The following GLIS3 variants were observed in gnomAD, a reference collection of about 807,000 sequenced individuals.
The protein encoded by GLIS3 is zinc finger protein GLIS3.
A neutral mutation model predicts 78.6 loss-of-function variants in GLIS3; 53 were observed. The ratio of observed to expected loss-of-function variants is 0.67; its 90% CI spans 0.54 to 0.85. The LOEUF is 0.85. GLIS3 is among the 40% of genes least tolerant of loss of function. GLIS3 has a pLI of 0.00. For missense variants in GLIS3, 1,703 were observed against 1,231.1 expected (o/e 1.38, Z -5.74); for synonymous variants, 684 against 509.9 (o/e 1.34, Z -4.60).
the GLIS3 span, among the ~76,000 whole-genome samples, chr9:4,465,096 C>G: frequency 1.3e-5 from 2 of 152,230 alleles, no homozygotes; most frequent in African/African-American, 4.8e-5. Context: ...TTACCAGAAT[C>G]AACATTTCCC....
chr9:4,033,268 C>T (rs1345873460), intron 4 of GLIS3, among the ~76,000 whole-genome samples: 2 of 152,146 alleles, frequency 1.3e-5, no homozygotes, highest in Non-Finnish European at 2.9e-5. Flanking sequence ...TATCTTATAG[C>T]ATAAAGGGTA....
chr9:4,397,854 T>A, the GLIS3 span, among the ~76,000 whole-genome samples: 44,548 of 151,512 alleles, frequency 0.29, 7,037 homozygotes, highest in East Asian at 0.38. Flanking sequence ...ATTCCTTGGA[T>A]GGGATGAAGA....
intron 2 of GLIS3, among the ~76,000 whole-genome samples, chr9:4,247,986 A>T: frequency 6.6e-6 from 1 of 151,800 alleles, no homozygotes; most frequent in East Asian, 1.9e-4. Flanking sequence ...GATCTCAACT[A>T]CTCTTGTGTA....
At chr9:4,099,622 C>G (rs1830218087) in intron 4 of GLIS3, among the ~76,000 whole-genome samples, 1 of 152,162 alleles carries the variant, frequency 6.6e-6, no homozygotes, top group African/African-American at 2.4e-5. Context: ...TTCAACATAC[C>G]TCTTTTAGGG....
At chr9:4,225,807 A>G (rs1821721268) in intron 2 of GLIS3, among the ~76,000 whole-genome samples, 1 of 152,184 alleles carries the variant, frequency 6.6e-6, no homozygotes, top group Non-Finnish European at 1.5e-5. Flanking sequence ...TCATCCTACG[A>G]GTCATGAATT....
the GLIS3 span, among the ~76,000 whole-genome samples, chr9:4,386,995 C>A: frequency 6.6e-6 from 1 of 152,120 alleles, no homozygotes; most frequent in Admixed American, 6.5e-5. Flanking sequence ...CAGGGTAGCT[C>A]CTTAAATGGC....
At chr9:4,421,780 C>T in the GLIS3 span, among the ~76,000 whole-genome samples, 1 of 152,178 alleles carries the variant, frequency 6.6e-6, no homozygotes. Flanking sequence ...CAACTATGTC[C>T]TAGGTGCTAG....
At chr9:4,346,198 C>A (rs1817895433) in intron 2 of GLIS3, among the ~76,000 whole-genome samples, 1 of 152,160 alleles carries the variant, frequency 6.6e-6, no homozygotes, top group African/African-American at 2.4e-5. Flanking sequence ...GTTTTACAGA[C>A]CTCATTCTCT....
At chr9:4,098,158 C>A (rs1475721739) in intron 4 of GLIS3, among the ~76,000 whole-genome samples, 1 of 152,200 alleles carries the variant, frequency 6.6e-6, no homozygotes, top group Non-Finnish European at 1.5e-5. Flanking sequence ...CAGGATCTCA[C>A]TGAAGCTACA....
At chr9:3,889,782 A>C (rs1172029578) in intron 7 of GLIS3, among the ~76,000 whole-genome samples, 1 of 152,038 alleles carries the variant, frequency 6.6e-6, no homozygotes, top group East Asian at 1.9e-4. Flanking sequence ...AATAACTTTT[A>C]AAAAATTTTT....
intron 2 of GLIS3, among the ~76,000 whole-genome samples, chr9:4,154,685 T>C (rs866682683): frequency 6.6e-6 from 1 of 152,152 alleles, no homozygotes; most frequent in South Asian, 2.1e-4. Flanking sequence ...AGACATAAAA[T>C]GAACACAATA....
chr9:4,047,474 T>C (rs2130435080), intron 4 of GLIS3, among the ~76,000 whole-genome samples: 1 of 152,318 alleles, frequency 6.6e-6, no homozygotes, highest in East Asian at 1.9e-4. Context: ...ATTTCACTAA[T>C]TTCAAAAACC....
intron 6 of GLIS3, among the ~76,000 whole-genome samples, chr9:3,928,314 G>A (rs1250451831): frequency 6.6e-6 from 1 of 152,166 alleles, no homozygotes; most frequent in East Asian, 1.9e-4. Context: ...AAAAAAATGA[G>A]AAGGGTTTGC....
chr9:4,480,696 A>G, the GLIS3 span, among the ~76,000 whole-genome samples: 1 of 152,288 alleles, frequency 6.6e-6, no homozygotes, highest in South Asian at 2.1e-4. Context: ...TGTGCTCAGG[A>G]AGGCAAAAAG....
chr9:3,849,999 G>A (rs1241181998), intron 9 of GLIS3, among the ~76,000 whole-genome samples: 4 of 152,046 alleles, frequency 2.6e-5, no homozygotes, highest in East Asian at 3.9e-4. Flanking sequence ...AATGAACCCC[G>A]AAAAATCTTG....
intron 4 of GLIS3, among the ~76,000 whole-genome samples, chr9:4,008,997 G>C (rs1023135488): frequency 1.3e-5 from 2 of 152,160 alleles, no homozygotes; most frequent in Non-Finnish European, 2.9e-5. Context: ...GTGCATGAGA[G>C]AGATGCATTC....
At chr9:3,849,956 TG>T (rs35267010) in intron 9 of GLIS3, among the ~76,000 whole-genome samples, 24 of 151,708 alleles carry the variant, frequency 1.6e-4, no homozygotes, top group African/African-American at 5.3e-4. Context: ...AACTGCACAC[TG>T]GGGTTGTTGG....
At chr9:4,115,122 C>A (rs1182660707) in intron 4 of GLIS3, among the ~76,000 whole-genome samples, 1 of 152,174 alleles carries the variant, frequency 6.6e-6, no homozygotes, top group African/African-American at 2.4e-5. Flanking sequence ...CTTCCAGAAG[C>A]TCTTTGTGTT....
At chr9:4,391,636 C>T in the GLIS3 span, among the ~76,000 whole-genome samples, 11 of 151,194 alleles carry the variant, frequency 7.3e-5, no homozygotes, top group South Asian at 2.1e-4. Context: ...AATATTTAAC[C>T]GAAATTTGGG....
Sources: gnomAD v4.1 joint callset for allele counts (sites outside exome capture counted in the v4.1 genomes callset) on GRCh38, gnomAD v4.1.1 for gene constraint, MANE v1.5 for transcripts, NCBI Gene and HGNC (gene_info 2026-07-23, HGNC 2026-07-21) for gene names.